ZNF536: variants seen among roughly 807,000 people sequenced by gnomAD.
The protein encoded by ZNF536 is zinc finger protein 536.
ZNF536 carries 13 observed loss-of-function variants against 84.5 expected under a neutral mutation model. That is an observed-to-expected ratio of 0.15 (90% confidence interval 0.10 to 0.24). The LOEUF (loss-of-function observed/expected upper bound fraction) is 0.24. Ranked by LOEUF, ZNF536 falls within the 10% of genes least tolerant of loss-of-function variation. The probability of loss-of-function intolerance (pLI) is 1.00; values close to 1 mark genes in which losing one functional copy is unlikely to be tolerated. For missense variants in ZNF536, 1,536 were observed against 1,747.5 expected, an observed-to-expected ratio of 0.88 and a Z score of 2.16; for synonymous variants, 811 against 742.5, an observed-to-expected ratio of 1.09 and a Z score of -1.50.
chr19:30,409,256 A>C (rs1446268151), intron 1 of ZNF536, among the ~76,000 whole-genome samples: 1 of 152,234 alleles, frequency 6.6e-6, no homozygotes, highest in African/African-American at 2.4e-5. Flanking sequence ...ATGAATAAAT[A>C]AATAAAAGTC....
At chr19:30,341,382 A>G (rs959967164) in intron 2 of ZNF536, among the ~76,000 whole-genome samples, 12 of 152,240 alleles carry the variant, frequency 7.9e-5, no homozygotes, top group Non-Finnish European at 1.5e-4. Flanking sequence ...AAACAAAACA[A>G]CACAAGAGGG....
intron 2 of ZNF536, among the ~76,000 whole-genome samples, chr19:30,286,263 G>A (rs199863778): frequency 6.6e-5 from 10 of 152,238 alleles, no homozygotes; most frequent in East Asian, 3.9e-4. Flanking sequence ...ACAATTACAC[G>A]CTCAAATCAA....
intron 1 of ZNF536, among the ~76,000 whole-genome samples, chr19:30,242,216 C>T (rs946310728): frequency 6.6e-6 from 1 of 152,074 alleles, no homozygotes; most frequent in African/African-American, 2.4e-5. Context: ...ATCTACTAGA[C>T]ATTTACTCTG....
chr19:30,689,825 TA>T (rs2051339372), intron 1 of ZNF536, among the ~76,000 whole-genome samples: 2 of 151,862 alleles, frequency 1.3e-5, no homozygotes, highest in Non-Finnish European at 2.9e-5. Context: ...AAGAGAAGAA[TA>T]AAAAAACAGG....
At chr19:30,604,183 G>T (rs1224500195) in intron 1 of ZNF536, among the ~76,000 whole-genome samples, 1 of 152,196 alleles carries the variant, frequency 6.6e-6, no homozygotes, top group Admixed American at 6.5e-5. Context: ...CCTGGACAGG[G>T]ATAGTGATGT....
chr19:30,377,094 G>A (rs1303945194), intron 1 of ZNF536, among the ~76,000 whole-genome samples: 3 of 152,190 alleles, frequency 2.0e-5, no homozygotes, highest in Admixed American at 1.3e-4. Flanking sequence ...GAGAGCCAAC[G>A]TGGCCTGACA....
intron 1 of ZNF536, among the ~76,000 whole-genome samples, chr19:30,564,994 G>C (rs1434371500): frequency 6.6e-6 from 1 of 152,106 alleles, no homozygotes; most frequent in Non-Finnish European, 1.5e-5. Flanking sequence ...ATTTCCTAGA[G>C]GGGCGGGTCC....
intron 2 of ZNF536, among the ~76,000 whole-genome samples, chr19:30,485,112 C>G (rs1210636701): frequency 6.6e-6 from 1 of 151,756 alleles, no homozygotes; most frequent in Non-Finnish European, 1.5e-5. Flanking sequence ...CCACTGCACT[C>G]CAGCCTGGGC....
intron 1 of ZNF536, among the ~76,000 whole-genome samples, chr19:30,706,948 TTC>T (rs941780856): frequency 1.8e-4 from 28 of 152,216 alleles, no homozygotes; most frequent in African/African-American, 6.8e-4. Flanking sequence ...GTCTTGCTCC[TTC>T]TTTATGTTGT....
intron 2 of ZNF536, among the ~76,000 whole-genome samples, chr19:30,293,712 T>C (rs2045913388): frequency 6.6e-6 from 1 of 152,136 alleles, no homozygotes; most frequent in South Asian, 2.1e-4. Flanking sequence ...AGTTGCAGGA[T>C]GATAATGTGA....
chr19:30,687,849 A>T (rs2051250818), intron 1 of ZNF536, among the ~76,000 whole-genome samples: 1 of 152,182 alleles, frequency 6.6e-6, no homozygotes, highest in Non-Finnish European at 1.5e-5. Flanking sequence ...TTTTAAAAAA[A>T]ACTTTTATTT....
At chr19:30,396,081 T>C (rs1325402473) in intron 1 of ZNF536, among the ~76,000 whole-genome samples, 6 of 152,208 alleles carry the variant, frequency 3.9e-5, no homozygotes, top group Non-Finnish European at 8.8e-5. Context: ...TGCAGTATCA[T>C]ACAGAATCTT....
At chr19:30,338,681 G>A (rs1230266289) in intron 2 of ZNF536, among the ~76,000 whole-genome samples, 2 of 152,092 alleles carry the variant, frequency 1.3e-5, no homozygotes, top group African/African-American at 4.8e-5. Flanking sequence ...CTGCAGGGGG[G>A]CAATGCTAAT....
intron 1 of ZNF536, among the ~76,000 whole-genome samples, chr19:30,434,477 C>T (rs1827518381): frequency 6.6e-6 from 1 of 152,208 alleles, no homozygotes; most frequent in African/African-American, 2.4e-5. Flanking sequence ...CGTTATCCAG[C>T]CCAACAAGAA....
In ZNF536 at chr19:30,445,570, G is replaced by A. The variant is rs2148230029; in HGVS notation, c.2008G>A (p.Glu670Lys). ...EEDGLHVGLD[E>K]RRGSGSDQES... ...GGATGGGCTGCACGTGGGCCTGGAT[G>A]AGCGGCGTGGCTCGGGCAGTGACCA... Residue 670 changes from glutamate to lysine, a missense_variant, in exon 2 of 5, where the codon GAG (glutamate) becomes AAG (lysine). Glu to Lys is a moderately conservative substitution (Grantham distance 56). This residue lies in a region of ZNF536 where 366 missense variants were observed against 364.4 expected (regional missense o/e 1.00). Transcript: ENST00000355537. This position sits in a 1 kb window ranked among gnomAD's most constrained non-coding sequence, Gnocchi z 4.5. 6.2e-7 allele frequency: 1 copy of A among 1,613,368 alleles called. No homozygotes were observed. The highest frequency in any genetic ancestry group is 8.5e-7 in the Non-Finnish European group (1 of 1,179,746).
At chr19:30,632,788 T>C (rs2048938766) in intron 1 of ZNF536, among the ~76,000 whole-genome samples, 1 of 152,210 alleles carries the variant, frequency 6.6e-6, no homozygotes, top group Non-Finnish European at 1.5e-5. Context: ...TGGCTGAAAT[T>C]AGTGAGAGAT....
At chr19:30,612,073 A>G (rs2048123762) in intron 1 of ZNF536, among the ~76,000 whole-genome samples, 1 of 152,122 alleles carries the variant, frequency 6.6e-6, no homozygotes, top group Non-Finnish European at 1.5e-5. Flanking sequence ...TGATTTCTGT[A>G]TCTTTCTAAA....
chr19:30,441,469 TG>T (rs1321110010), intron 1 of ZNF536, among the ~76,000 whole-genome samples: 1 of 152,136 alleles, frequency 6.6e-6, no homozygotes, highest in Non-Finnish European at 1.5e-5. Flanking sequence ...TGCTGGATAG[TG>T]GGTGTCATGA....
At chr19:30,303,225 C>T (rs1280822146) in intron 2 of ZNF536, among the ~76,000 whole-genome samples, 3 of 152,216 alleles carry the variant, frequency 2.0e-5, no homozygotes, top group Non-Finnish European at 4.4e-5. Flanking sequence ...TGCTATACAC[C>T]TGCTCCATCT....
Sources: allele counts gnomAD v4.1 joint callset (sites outside exome capture counted in the v4.1 genomes callset), GRCh38; gene constraint gnomAD v4.1.1; regional missense constraint gnomAD v4.1.1; non-coding constraint Gnocchi (gnomAD v3.1); transcripts MANE v1.5; gene names NCBI Gene and HGNC (gene_info 2026-07-23, HGNC 2026-07-21).